Variants in GUCY1A2 observed in about 807,000 individuals in gnomAD.
GUCY1A2 encodes the protein guanylate cyclase soluble subunit alpha-2.
In GUCY1A2, 27 loss-of-function variants were observed where a neutral mutation model predicts 63.5. The ratio of observed to expected loss-of-function variants is 0.43; its 90% CI spans 0.31 to 0.59. The LOEUF is 0.59. GUCY1A2 is among the 20% of genes least tolerant of loss of function. GUCY1A2 has a pLI of 0.11. For missense variants in GUCY1A2, 768 were observed against 913.3 expected, an observed-to-expected ratio of 0.84 and a Z score of 2.05; for synonymous variants, 364 against 343.5, an observed-to-expected ratio of 1.06 and a Z score of -0.66.
At chr11:106,816,434 G>C (rs1247447425) in intron 4 of GUCY1A2, among the ~76,000 whole-genome samples, 6 of 151,700 alleles carry the variant, frequency 4.0e-5, no homozygotes, top group Admixed American at 6.6e-5. Context: ...AATCAAAATG[G>C]AAATACAGCA....
intron 4 of GUCY1A2, among the ~76,000 whole-genome samples, chr11:106,819,545 T>C (rs1459576412): frequency 1.3e-5 from 2 of 152,158 alleles, no homozygotes; most frequent in Non-Finnish European, 2.9e-5. Flanking sequence ...AGATTATGAC[T>C]TGATGAAGGC....
intron 4 of GUCY1A2, among the ~76,000 whole-genome samples, chr11:106,938,141 T>G (rs1045413386): frequency 6.6e-6 from 1 of 152,144 alleles, no homozygotes; most frequent in African/African-American, 2.4e-5. Flanking sequence ...GGTTTCATCA[T>G]GTTGGCCAGG....
chr11:106,876,143 T>C (rs1859745485), intron 4 of GUCY1A2, among the ~76,000 whole-genome samples: 2 of 151,974 alleles, frequency 1.3e-5, no homozygotes, highest in African/African-American at 4.8e-5. Flanking sequence ...AAGAAGAAAA[T>C]GTATAACAAT....
intron 4 of GUCY1A2, among the ~76,000 whole-genome samples, chr11:106,851,972 C>T (rs2135451129): frequency 6.6e-6 from 1 of 151,980 alleles, no homozygotes; most frequent in East Asian, 1.9e-4. Flanking sequence ...TTAATTCTTC[C>T]AATCATGAGC....
At chr11:106,914,188 CTT>C (rs1860337269) in intron 4 of GUCY1A2, among the ~76,000 whole-genome samples, 1 of 151,872 alleles carries the variant, frequency 6.6e-6, no homozygotes, top group Non-Finnish European at 1.5e-5. Context: ...ACTAGGGGGT[CTT>C]AACATACATG....
intron 4 of GUCY1A2, among the ~76,000 whole-genome samples, chr11:106,872,225 C>A (rs1859689246): frequency 1.3e-5 from 2 of 152,106 alleles, no homozygotes; most frequent in African/African-American, 4.8e-5. Flanking sequence ...CAGGATTGGG[C>A]AGAATCAACA....
intron 3 of GUCY1A2, among the ~76,000 whole-genome samples, chr11:106,948,146 A>C (rs184261837): frequency 6.6e-6 from 1 of 152,296 alleles, no homozygotes; most frequent in East Asian, 1.9e-4. Context: ...TTAGGAAAAA[A>C]ACTAGATGAC....
chr11:107,013,101 C>T (rs1861770920), intron 1 of GUCY1A2, among the ~76,000 whole-genome samples: 1 of 152,066 alleles, frequency 6.6e-6, no homozygotes, highest in South Asian at 2.1e-4. Flanking sequence ...ATCTAAGCTT[C>T]CACCTTCATT....
At chr11:106,750,547 A>G (rs1417419530) in intron 6 of GUCY1A2, among the ~76,000 whole-genome samples, 1 of 152,112 alleles carries the variant, frequency 6.6e-6, no homozygotes, top group African/African-American at 2.4e-5. Context: ...ATTATGCAGT[A>G]AAGTCCTTGC....
chr11:106,961,128 T>C (rs1014553208), intron 3 of GUCY1A2, among the ~76,000 whole-genome samples: 5 of 152,020 alleles, frequency 3.3e-5, no homozygotes, highest in Non-Finnish European at 7.4e-5. Flanking sequence ...CTTCAATGCA[T>C]TGTGAGCACA....
At chr11:106,859,379 T>C (rs1859478185) in intron 4 of GUCY1A2, among the ~76,000 whole-genome samples, 1 of 152,000 alleles carries the variant, frequency 6.6e-6, no homozygotes, top group Non-Finnish European at 1.5e-5. Flanking sequence ...CCATGCTTAA[T>C]TTATGTATTT....
chr11:106,708,742 C>T (rs1862963375), intron 6 of GUCY1A2, 76 bp from the exon 7 acceptor site: 6 of 819,450 alleles, frequency 7.3e-6, no homozygotes, highest in Non-Finnish European at 1.1e-5. Flanking sequence ...AAAGGCACTG[C>T]TAATTAATAA....
At chr11:106,998,007 G>A (rs950340823) in intron 1 of GUCY1A2, among the ~76,000 whole-genome samples, 1 of 152,014 alleles carries the variant, frequency 6.6e-6, no homozygotes, top group Non-Finnish European at 1.5e-5. Context: ...CTAATGCCTT[G>A]TATCTTTAGG....
In GUCY1A2 at chr11:106,825,107, CT is replaced by C. The variant is rs570954853; in HGVS notation, c.1207-14630del. 4.3e-3 allele frequency among the ~76,000 whole-genome samples: 660 copies of C among 152,116 alleles called. 4 individuals carry two copies. Among genetic ancestry groups the C allele is most frequent in the African/African-American group, 0.015 (629 of 41,496 alleles). On this transcript the variant is annotated intron_variant, in intron 4 of 7. Coordinates refer to ENST00000526355, the MANE Select transcript of GUCY1A2 (RefSeq NM_000855.3). ...CAGAGCTTATCTCTGAAGATCTAAACTTTTGAGAATGTTTGAAAATTAGAGA... is the reference window on the plus strand; with the variant it reads ...CAGAGCTTATCTCTGAAGATCTAAACTTTGAGAATGTTTGAAAATTAGAGA...
chr11:106,860,069 C>T (rs1221402368), intron 4 of GUCY1A2, among the ~76,000 whole-genome samples: 3 of 151,838 alleles, frequency 2.0e-5, no homozygotes, highest in African/African-American at 4.8e-5. Context: ...GTGTAAAGTG[C>T]TTTTAATTGC....
At chr11:106,903,736 G>A (rs1860166244) in intron 4 of GUCY1A2, among the ~76,000 whole-genome samples, 1 of 152,154 alleles carries the variant, frequency 6.6e-6, no homozygotes, top group African/African-American at 2.4e-5. Context: ...AGACATTTCT[G>A]TGAAGTGTTA....
At position 106,880,043 on chromosome 11, in the gene GUCY1A2, C is replaced by G. The variant is rs80118868; in HGVS notation, c.1206+59417G>C. ...CCTGACAGCATTAACTTCAGCATAC[C>G]CTGAGAATGCTCCTGTATGGCCAGT... On this transcript the variant is annotated intron_variant, in intron 4 of 7. Transcript: ENST00000526355. Among the ~76,000 whole-genome samples, 872 of 152,004 alleles carry G rather than the reference C, an allele frequency of 5.7e-3. 5 individuals carry two copies. Among genetic ancestry groups the G allele is most frequent in the African/African-American group, 0.02 (840 of 41,458 alleles).
chr11:106,783,545 G>A (rs1168088867), intron 5 of GUCY1A2, among the ~76,000 whole-genome samples: 2 of 152,084 alleles, frequency 1.3e-5, no homozygotes, highest in African/African-American at 4.8e-5. Flanking sequence ...ATCTTATCAG[G>A]TTCTGGAAGG....
chr11:106,847,883 G>A (rs1412533569), intron 4 of GUCY1A2, among the ~76,000 whole-genome samples: 1 of 151,514 alleles, frequency 6.6e-6, no homozygotes, highest in Non-Finnish European at 1.5e-5. Context: ...CTAACCCAAT[G>A]TATTAAATGG....
Sources: gnomAD v4.1 joint callset for allele counts (sites outside exome capture counted in the v4.1 genomes callset) on GRCh38, gnomAD v4.1.1 for gene constraint, MANE v1.5 for transcripts, NCBI Gene and HGNC (gene_info 2026-07-23, HGNC 2026-07-21) for gene names.